CYTH1: variants seen among roughly 807,000 people sequenced by gnomAD.
CYTH1 encodes cytohesin-1.
CYTH1 carries 18 observed loss-of-function variants against 61.8 expected under a neutral mutation model. That is an observed-to-expected ratio of 0.29 (90% confidence interval 0.20 to 0.43). The LOEUF (loss-of-function observed/expected upper bound fraction) is 0.43, where lower values mean the gene tolerates loss of function less well. CYTH1 is among the 20% of genes least tolerant of loss of function. The pLI is 1.00. For synonymous variants in CYTH1, 174 were observed against 184.3 expected, an observed-to-expected ratio of 0.94 and a Z score of 0.45; for missense variants, 336 against 510.5, an observed-to-expected ratio of 0.66 and a Z score of 3.29.
intron 1 of CYTH1, among the ~76,000 whole-genome samples, chr17:78,761,015 T>C (rs1184083472): frequency 6.6e-6 from 1 of 152,130 alleles, no homozygotes; most frequent in African/African-American, 2.4e-5. Context: ...TTTGTATTTT[T>C]TGTAGAGACA....
At chr17:78,768,794 C>T (rs933800104) in intron 1 of CYTH1, among the ~76,000 whole-genome samples, 4 of 152,090 alleles carry the variant, frequency 2.6e-5, no homozygotes, top group Admixed American at 2.0e-4. Context: ...CTCTGCTTCT[C>T]CCTCTCCTTG....
At chr17:78,756,565 G>C (rs1243415418) in intron 1 of CYTH1, among the ~76,000 whole-genome samples, 3 of 152,128 alleles carry the variant, frequency 2.0e-5, no homozygotes, top group African/African-American at 7.2e-5. Flanking sequence ...GAGGCTATTT[G>C]AAGTCCTTCA....
chr17:78,779,203 C>T (rs1598935247), intron 1 of CYTH1, among the ~76,000 whole-genome samples: 2 of 151,986 alleles, frequency 1.3e-5, no homozygotes, highest in Admixed American at 1.3e-4. Context: ...GAGTTTGAGA[C>T]CAGCCTGGAC....
rs187295754 is a variant in CYTH1 at position 78,690,155 on chromosome 17, G to T, written c.891+2262C>A. Among the ~76,000 whole-genome samples the T allele has an allele frequency of 3.0e-3, 453 of 151,870 alleles. 3 individuals carry two copies. Among genetic ancestry groups the T allele is most frequent in the African/African-American group, 9.7e-3 (401 of 41,382 alleles). ...CTTAAGAAATGTATTCAGCACTTTG[G>T]AAGGCTGAGATGGGCGGATCACAAG... is the stretch of plus-strand genomic sequence containing the variant. On this transcript the variant is annotated intron_variant, in intron 11 of 13. Transcript: ENST00000446868.
At chr17:78,707,842 G>A (rs1198489356) in intron 3 of CYTH1, among the ~76,000 whole-genome samples, 2 of 152,062 alleles carry the variant, frequency 1.3e-5, no homozygotes, top group Non-Finnish European at 1.5e-5. Context: ...CACCACACCC[G>A]TCTAATTTTT....
chr17:78,709,820 T>A, intron 1 of CYTH1, 88 bp from the exon 2 acceptor site: 1 of 1,189,514 alleles, frequency 8.4e-7, no homozygotes, highest in Non-Finnish European at 1.2e-6. Flanking sequence ...GAGAAAGATA[T>A]CAAGAAAGAA....
intron 1 of CYTH1, among the ~76,000 whole-genome samples, chr17:78,768,172 C>A (rs760140479): frequency 7.2e-5 from 11 of 152,164 alleles, no homozygotes; most frequent in Non-Finnish European, 1.6e-4. Flanking sequence ...TCTGCAACTT[C>A]CAGCTCCTGC....
chr17:78,680,141 G>C (rs751372453), intron 13 of CYTH1, 49 bp downstream of exon 13: 5 of 1,604,894 alleles, frequency 3.1e-6, no homozygotes, highest in Non-Finnish European at 4.3e-6. Context: ...CACCTGGTGA[G>C]GTGAGGGCTG....
chr17:78,774,919 T>C (rs2144767678), intron 1 of CYTH1, among the ~76,000 whole-genome samples: 1 of 152,302 alleles, frequency 6.6e-6, no homozygotes, highest in South Asian at 2.1e-4. Context: ...ACTACTCTCT[T>C]TTCTTATCAA....
At chr17:78,698,075 C>A (rs973643214) in intron 9 of CYTH1, among the ~76,000 whole-genome samples, 194 bp downstream of exon 9, 2 of 152,218 alleles carry the variant, frequency 1.3e-5, no homozygotes, top group African/African-American at 4.8e-5. Context: ...CTATAAGCCA[C>A]CCCCTTTCCT....
At chr17:78,703,238 C>T (rs1157893701) in intron 3 of CYTH1, among the ~76,000 whole-genome samples, 1 of 151,146 alleles carries the variant, frequency 6.6e-6, no homozygotes, top group Non-Finnish European at 1.5e-5. Context: ...ATGGTGAAAC[C>T]CTGTCTCTAC....
intron 1 of CYTH1, among the ~76,000 whole-genome samples, chr17:78,742,895 G>A (rs1376706881): frequency 1.3e-5 from 2 of 152,088 alleles, no homozygotes; most frequent in Admixed American, 6.6e-5. Context: ...TAAAGTGCTA[G>A]CCTAGCCACA....
At chr17:78,779,179 T>C (rs984374361) in intron 1 of CYTH1, among the ~76,000 whole-genome samples, 3 of 152,040 alleles carry the variant, frequency 2.0e-5, no homozygotes, top group Non-Finnish European at 2.9e-5. Flanking sequence ...GGCAGGCAGA[T>C]CACCTGAGGT....
intron 2 of CYTH1, chr17:78,709,378 A>T: frequency 2.3e-6 from 1 of 431,726 alleles, no homozygotes; most frequent in Non-Finnish European, 4.1e-6. Context: ...AGAGAGGACT[A>T]CTCAGGAGAC....
intron 1 of CYTH1, among the ~76,000 whole-genome samples, chr17:78,726,246 A>C (rs1330919212): frequency 2.0e-5 from 3 of 151,968 alleles, no homozygotes; most frequent in Non-Finnish European, 4.4e-5. Flanking sequence ...GGTTTTCACC[A>C]TTAGCCAGGA....
intron 1 of CYTH1, among the ~76,000 whole-genome samples, chr17:78,716,670 T>G (rs2093183555): frequency 6.6e-6 from 1 of 152,250 alleles, no homozygotes; most frequent in African/African-American, 2.4e-5. Context: ...ATCTAATATT[T>G]TAATAAGTAT....
At position 78,690,488 on chromosome 17, in the gene CYTH1, T is replaced by C. The variant is rs548563323; in HGVS notation, c.891+1929A>G. Among the ~76,000 whole-genome samples the C allele has an allele frequency of 6.9e-3, 961 of 139,924 alleles. 5 individuals are homozygous for C. The highest frequency in any genetic ancestry group is 0.017 in the Middle Eastern group (4 of 232). 91.8% of individuals were successfully genotyped at this position (139,924 alleles called of 152,430 possible). The stretch of plus-strand genomic sequence containing the variant: ...TGAGGTCAGGAGTTCAAGACCAGCC[T>C]GGCCAACATGGTGAAACCCCATCCC... On this transcript the variant is annotated intron_variant, in intron 11 of 13. Coordinates refer to ENST00000446868, the MANE Select transcript of CYTH1 (RefSeq NM_004762.6).
chr17:78,781,516 C>G lies in CYTH1; in HGVS notation c.22+686G>C, dbSNP rs372656684. Among the ~76,000 whole-genome samples the G allele has an allele frequency of 5.3e-5, 8 of 152,276 alleles. No individual in the cohort carries two copies. The East Asian group carries it at 7.7e-4, about 15-fold the overall frequency. On this transcript the variant is annotated intron_variant, in intron 1 of 13. Transcript: ENST00000446868. The stretch of plus-strand genomic sequence containing the variant: ...GCGGCGTCCCCACCGCGGTGCCCCT[C>G]GGGCTCCACACCCGCGTCTCGGCAG...
Position 78,700,843 on chromosome 17 carries a change from A to G in CYTH1, c.438-400T>C, listed in dbSNP as rs2144296397. Among the ~76,000 whole-genome samples, 1 of 152,210 alleles carries G rather than the reference A, an allele frequency of 6.6e-6. No individual in the cohort carries two copies. Among genetic ancestry groups the G allele is most frequent in the East Asian group, 1.9e-4 (1 of 5,176 alleles). On this transcript the variant is annotated intron_variant, in intron 6 of 13. Coordinates refer to ENST00000446868, the MANE Select transcript of CYTH1 (RefSeq NM_004762.6). This position sits in a 1 kb window ranked among gnomAD's most constrained non-coding sequence, Gnocchi z 5.1. ...CCTGACCACTGCCAATGATTTTTTAACATCAAAGTGCAAAGGGAACCCTGC... is the reference window on the plus strand; with the variant it reads ...CCTGACCACTGCCAATGATTTTTTAGCATCAAAGTGCAAAGGGAACCCTGC...
Sources: allele counts gnomAD v4.1 joint callset (sites outside exome capture counted in the v4.1 genomes callset), GRCh38; gene constraint gnomAD v4.1.1; non-coding constraint Gnocchi (gnomAD v3.1); transcripts MANE v1.5; gene names NCBI Gene and HGNC (gene_info 2026-07-23, HGNC 2026-07-21).